ADGRG4: variants seen among roughly 807,000 people sequenced by gnomAD.
The protein encoded by ADGRG4 is adhesion G protein-coupled receptor G4.
ADGRG4 carries 122 observed loss-of-function variants against 126.2 expected under a neutral mutation model. The ratio of observed to expected loss-of-function variants is 0.97; its 90% CI spans 0.83 to 1.12. The LOEUF is 1.12. ADGRG4 is among the 50% of genes most tolerant of loss of function. The pLI is 0.00. For missense variants in ADGRG4, 2,481 were observed against 2,251.8 expected (o/e 1.10, Z -2.06); for synonymous variants, 943 against 838.7 (o/e 1.12, Z -2.15).
At chrX:136,386,441 G>A (rs2075292843) in intron 15 of ADGRG4, among the ~76,000 whole-genome samples, 1 of 111,874 alleles carries the variant, frequency 8.9e-6, no homozygotes, top group African/African-American at 3.3e-5. Context: ...TTAGCAAAGA[G>A]CCATATGGGT....
Position 136,346,487 on chromosome X carries a change from G to T in ADGRG4, c.2781G>T (p.Met927Ile). 1 of 1,210,662 alleles carries T rather than the reference G, an allele frequency of 8.3e-7. No homozygotes were observed. ...KTTPRSSYNE[M>I]TEMFNFNHTY... is the part of the protein sequence containing the mutation. ...CACCTAGGAGTTCATACAATGAAAT[G>T]ACAGAAATGTTTAATTTTAACCACA... The change falls in exon 6 of 26, where the codon ATG becomes ATT. Residue 927 changes from methionine to isoleucine, a missense_variant. Met to Ile is a conservative substitution (Grantham distance 10). Coordinates refer to ENST00000394143, the MANE Select transcript of ADGRG4 (RefSeq NM_153834.4).
At chrX:136,326,984 T>C (rs1384511740) in intron 5 of ADGRG4, among the ~76,000 whole-genome samples, 3 of 111,065 alleles carry the variant, frequency 2.7e-5, no homozygotes. Context: ...GTATTCACTA[T>C]AGTTGGAAAT....
chrX:136,376,921 A>G (rs1569332012), intron 15 of ADGRG4, among the ~76,000 whole-genome samples: 1 of 110,297 alleles, frequency 9.1e-6, no homozygotes, highest in Non-Finnish European at 1.9e-5. Flanking sequence ...TCCTGTTTCC[A>G]ATTTGGATGC....
chrX:136,330,474 G>T, intron 5 of ADGRG4, among the ~76,000 whole-genome samples: 1 of 108,548 alleles, frequency 9.2e-6, no homozygotes, highest in Non-Finnish European at 1.9e-5. Flanking sequence ...CCATTGCTGA[G>T]TAGTATTCCA....
At chrX:136,357,198 C>A (rs1213464619) in intron 9 of ADGRG4, among the ~76,000 whole-genome samples, 2 of 111,194 alleles carry the variant, frequency 1.8e-5, no homozygotes, top group Non-Finnish European at 3.8e-5. Flanking sequence ...GGGTTGGAAC[C>A]CCTGCTTTTC....
intron 5 of ADGRG4, among the ~76,000 whole-genome samples, chrX:136,334,062 T>A (rs181249222): frequency 1.8e-5 from 2 of 109,126 alleles, no homozygotes; most frequent in Admixed American, 2.0e-4. Context: ...GAGGTGTAGG[T>A]TGAGGTTCTC....
In ADGRG4 at chrX:136,321,356, T is replaced by A. The variant is rs143492655; in HGVS notation, c.71-1422T>A. The stretch of plus-strand genomic sequence containing the variant: ...TGTGTGTGGGGGGCAGGCATATACA[T>A]GTTATTGTTTGCTTTTGGAAAATGT... On this transcript the variant is annotated intron_variant, in intron 4 of 25. Coordinates refer to ENST00000394143, the MANE Select transcript of ADGRG4 (RefSeq NM_153834.4). Among the ~76,000 whole-genome samples, 6 of 111,395 alleles carry A rather than the reference T, an allele frequency of 5.4e-5. No individual in the cohort carries two copies. The East Asian group carries it at 1.7e-3, about 31-fold the overall frequency.
chrX:136,409,391 G>A (rs1412678926), intron 23 of ADGRG4, among the ~76,000 whole-genome samples: 1 of 111,435 alleles, frequency 9.0e-6, no homozygotes, highest in Non-Finnish European at 1.9e-5. Flanking sequence ...GCAGTTCATT[G>A]GAATTCACAG....
At chrX:136,360,999 G>A (rs2075124837) in intron 11 of ADGRG4, among the ~76,000 whole-genome samples, 1 of 110,814 alleles carries the variant, frequency 9.0e-6, no homozygotes, top group Non-Finnish European at 1.9e-5. Flanking sequence ...CAATTCTTAT[G>A]TATTGTTTTA....
chrX:136,362,507 G>A (rs779352385), intron 12 of ADGRG4, among the ~76,000 whole-genome samples: 3 of 111,760 alleles, frequency 2.7e-5, no homozygotes, highest in Admixed American at 9.5e-5. Context: ...TGCCACTGTC[G>A]TGCTCCAGCT....
Position 136,359,408 on chromosome X carries a change from A to G in ADGRG4, c.7097A>G (p.Gln2366Arg), listed in dbSNP as rs2075113876. ...NFTHGNFTQD[Q>R]LTLLVNCEHV... ...ACACATGGAAACTTCACACAAGATC[A>G]ATTGACGTTATTAGTAAACTGTGAA... The change falls in exon 11 of 26, where the codon CAA (glutamine) becomes CGA (arginine). Residue 2366 changes from glutamine to arginine, a missense_variant. Coordinates refer to ENST00000394143, the MANE Select transcript of ADGRG4 (RefSeq NM_153834.4). The G allele has an allele frequency of 1.7e-6, 2 of 1,207,744 alleles. No individual in the cohort carries two copies. The highest frequency in any genetic ancestry group is 1.8e-5 in the South Asian group (1 of 55,750).
chrX:136,386,069 C>T (rs955504354), intron 15 of ADGRG4, among the ~76,000 whole-genome samples: 3 of 111,884 alleles, frequency 2.7e-5, no homozygotes, highest in African/African-American at 9.8e-5. Context: ...TTTCAGCCTG[C>T]CATCAGGCTA....
chrX:136,326,507 A>C (rs761203372), intron 5 of ADGRG4, among the ~76,000 whole-genome samples: 3 of 111,722 alleles, frequency 2.7e-5, no homozygotes, highest in Non-Finnish European at 3.8e-5. Context: ...CCCACCGTAC[A>C]GGACTATCTC....
At chrX:136,303,997 T>C (rs747095640) in intron 1 of ADGRG4, 136 bp from the exon 2 acceptor site, 1 of 111,648 alleles carries the variant, frequency 9.0e-6, no homozygotes, top group South Asian at 3.9e-4. Context: ...CCTTTGAGTT[T>C]CCAGGCATGG....
At chrX:136,373,973 G>T (rs1193605598) in intron 15 of ADGRG4, among the ~76,000 whole-genome samples, 1 of 111,070 alleles carries the variant, frequency 9.0e-6, no homozygotes, top group African/African-American at 3.3e-5. Flanking sequence ...TTTTTAAAAA[G>T]ATATAGAATA....
chrX:136,343,523 G>A (rs1312923968), intron 5 of ADGRG4, among the ~76,000 whole-genome samples: 2 of 111,503 alleles, frequency 1.8e-5, no homozygotes, highest in East Asian at 2.8e-4. Context: ...GGGACAAAGC[G>A]TTGGTCAGGT....
intron 5 of ADGRG4, among the ~76,000 whole-genome samples, chrX:136,327,514 A>T (rs1172630977): frequency 9.5e-6 from 1 of 105,643 alleles, no homozygotes; most frequent in Non-Finnish European, 2.0e-5. Flanking sequence ...GTGGTTCTGC[A>T]ACTTGATTTA....
chrX:136,404,929 T>A (rs923245521), intron 22 of ADGRG4, among the ~76,000 whole-genome samples: 1 of 112,249 alleles, frequency 8.9e-6, no homozygotes, highest in African/African-American at 3.2e-5. Context: ...AAAAGAGAGC[T>A]CAGCTAAGTT....
In ADGRG4 at chrX:136,322,916, A is replaced by G; in HGVS notation, c.209A>G (p.Tyr70Cys). The G allele has an allele frequency of 8.3e-7, 1 of 1,211,645 alleles. No homozygotes were observed. Among genetic ancestry groups the G allele is most frequent in the Non-Finnish European group, 1.1e-6 (1 of 895,274 alleles). The change falls in exon 5 of 26, where the codon TAT becomes TGT. Residue 70 changes from tyrosine (Y) to cysteine (C), a missense_variant. By Grantham distance (194) the Tyr-to-Cys change is radical. Coordinates refer to ENST00000394143, the MANE Select transcript of ADGRG4 (RefSeq NM_153834.4). The part of the protein sequence containing the change: ...DLVFMDDNSR[Y>C]WMAFSYITNN... ...GTATTCATGGATGACAACTCAAGGTATTGGATGGCCTTCTCTTATATTACT... is the reference window on the plus strand; with the variant it reads ...GTATTCATGGATGACAACTCAAGGTGTTGGATGGCCTTCTCTTATATTACT...
Sources: allele counts gnomAD v4.1 joint callset (sites outside exome capture counted in the v4.1 genomes callset), GRCh38; gene constraint gnomAD v4.1.1; transcripts MANE v1.5; gene names NCBI Gene and HGNC (gene_info 2026-07-23, HGNC 2026-07-21).